Variants in SEL1L observed in about 807,000 individuals in gnomAD.
SEL1L encodes the protein protein sel-1 homolog 1.
A neutral mutation model predicts 109.8 loss-of-function variants in SEL1L; 52 were observed. The ratio of observed to expected loss-of-function variants is 0.47; its 90% CI spans 0.38 to 0.60. SEL1L has a LOEUF of 0.60. Among genes scored for constraint, SEL1L ranks in the 20% least tolerant of loss-of-function variants. The probability of loss-of-function intolerance (pLI) is 0.00; values close to 1 mark genes in which losing one functional copy is unlikely to be tolerated. For synonymous variants in SEL1L, 373 were observed against 339.6 expected (o/e 1.10, Z -1.08); for missense variants, 749 against 962.2 (o/e 0.78, Z 2.93).
At chr14:81,484,745 C>T (rs1397964781) in intron 18 of SEL1L, among the ~76,000 whole-genome samples, 4 of 152,146 alleles carry the variant, frequency 2.6e-5, no homozygotes, top group Non-Finnish European at 5.9e-5. Flanking sequence ...CTCACAGGAG[C>T]ATTTCAGATT....
chr14:81,499,705 G>A (rs1230706209), intron 6 of SEL1L, 43 bp from the exon 7 acceptor site: 1 of 1,515,678 alleles, frequency 6.6e-7, no homozygotes, highest in Non-Finnish European at 9.0e-7. Context: ...TTTGGTGAAG[G>A]TTTATCCAAG....
chr14:81,531,163 A>T (rs1595541505), intron 1 of SEL1L, among the ~76,000 whole-genome samples: 1 of 152,360 alleles, frequency 6.6e-6, no homozygotes, highest in East Asian at 1.9e-4. Context: ...ACCATGTTCC[A>T]ATGGCTACAA....
At chr14:81,511,658 T>C (rs1404612419) in intron 3 of SEL1L, among the ~76,000 whole-genome samples, 1 of 152,260 alleles carries the variant, frequency 6.6e-6, no homozygotes, top group Non-Finnish European at 1.5e-5. Context: ...CTGTTTAATA[T>C]GATTGCTAGG....
chr14:81,522,353 G>C (rs148430414), intron 3 of SEL1L, among the ~76,000 whole-genome samples: 11 of 152,260 alleles, frequency 7.2e-5, no homozygotes, highest in Admixed American at 7.2e-4. Flanking sequence ...TTCCAGTCCT[G>C]CAAGTTCCAT....
chr14:81,502,764 A>G lies in SEL1L; in HGVS notation c.734T>C (p.Met245Thr). 1.2e-6 allele frequency: 2 copies of G among 1,614,128 alleles called. No homozygotes were observed. Among genetic ancestry groups the G allele is most frequent in the South Asian group, 2.2e-5 (2 of 91,080 alleles). ...GCCTTCCTCAGTCAGCTTCTCAAAC[A>G]TCTCTCTCGCTGCCTGGATATTCTG... Reference protein sequence around the residue: ...LPQNIQAAREMFEKLTEEGSP... With the variant: ...LPQNIQAARETFEKLTEEGSP... The change falls in exon 6 of 21, where the codon ATG becomes ACG. Residue 245 changes from methionine (M) to threonine (T), a missense_variant. Around this residue, in one of 2 missense-constraint regions of SEL1L, gnomAD observed 366 missense variants for 399.8 expected, o/e 0.92. Transcript: ENST00000336735.
Position 81,486,390 on chromosome 14 carries a change from T to C in SEL1L, c.1697A>G (p.Tyr566Cys), listed in dbSNP as rs1244672236. The C allele has an allele frequency of 5.6e-6, 9 of 1,614,066 alleles. No homozygotes were observed. The highest frequency in any genetic ancestry group is 4.0e-5 in the African/African-American group (3 of 74,924). ...SERLMTAYNSYKDGDYNAAVI... is the reference protein window; with the variant it reads ...SERLMTAYNSCKDGDYNAAVI... Reference sequence around the variant, plus strand: ...TGCAGCATTGTAATCGCCATCTTTATAGCTGTTATAGGCAGTCATAAGCCT... The same window carrying C: ...TGCAGCATTGTAATCGCCATCTTTACAGCTGTTATAGGCAGTCATAAGCCT... Residue 566 changes from tyrosine to cysteine, a missense_variant, in exon 17 of 21, where the codon TAT (tyrosine) becomes TGT (cysteine). This residue lies in a region of SEL1L where 383 missense variants were observed against 562.5 expected (regional missense o/e 0.68). Coordinates refer to ENST00000336735, the MANE Select transcript of SEL1L (RefSeq NM_005065.6).
In SEL1L at chr14:81,498,436, T is replaced by G. The variant is rs201618280; in HGVS notation, c.950A>C (p.His317Pro). The G allele has an allele frequency of 1.2e-6, 2 of 1,613,878 alleles. No homozygotes were observed. Among genetic ancestry groups the G allele is most frequent in the Non-Finnish European group, 1.7e-6 (2 of 1,179,884 alleles). ...ACCATGATTGGCAACAAGACGATAG[T>G]GAGTCAGGGCAGATTCACAACTCTG... ...VLQSCESALT[H>P]YRLVANHVAS... The change falls in exon 9 of 21, where the codon CAC becomes CCC. Residue 317 changes from histidine (H) to proline (P), a missense_variant. By Grantham distance (77) the His-to-Pro change is moderately conservative. Coordinates refer to ENST00000336735, the MANE Select transcript of SEL1L (RefSeq NM_005065.6).
At chr14:81,514,020 C>T (rs71416870) in intron 3 of SEL1L, among the ~76,000 whole-genome samples, 1 of 152,376 alleles carries the variant, frequency 6.6e-6, no homozygotes, top group African/African-American at 2.4e-5. Context: ...CCTCTCTTCT[C>T]TGAGGCTAGT....
intron 19 of SEL1L, among the ~76,000 whole-genome samples, chr14:81,483,874 G>A (rs1903436103): frequency 6.6e-6 from 1 of 152,120 alleles, no homozygotes; most frequent in African/African-American, 2.4e-5. Context: ...AAATTTATCA[G>A]TAGAATACAT....
chr14:81,527,620 C>A, intron 2 of SEL1L, 81 bp downstream of exon 2: 1 of 978,076 alleles, frequency 1.0e-6, no homozygotes. Flanking sequence ...AAGTTGCAGA[C>A]CTCATATCCT....
In SEL1L at chr14:81,475,237, G is replaced by A. The variant is rs926772230; in HGVS notation, c.*1735C>T. 6.6e-6 allele frequency: 1 copy of A among 152,294 alleles called. No homozygotes were observed. The highest frequency in any genetic ancestry group is 1.5e-5 in the Non-Finnish European group (1 of 68,036). 9.4% of individuals were successfully genotyped at this position (152,294 alleles called of 1,614,324 possible). ...TGCCTAAAGCAACATTACACTTAGGGGGGGTAAGTTTCCTACCTTTCACAG... is the reference window on the plus strand; with the variant it reads ...TGCCTAAAGCAACATTACACTTAGGAGGGGTAAGTTTCCTACCTTTCACAG... On this transcript the variant is annotated 3_prime_UTR_variant, in exon 21 of 21. Transcript: ENST00000336735.
chr14:81,498,557 A>G, intron 8 of SEL1L, 63 bp from the exon 9 acceptor site: 2 of 1,280,296 alleles, frequency 1.6e-6, no homozygotes, highest in Non-Finnish European at 2.3e-6. Flanking sequence ...TTCTTCGTGG[A>G]ACAAATAAAG....
chr14:81,477,173 A>G lies in SEL1L; in HGVS notation c.2184T>C (p.Asp728=). 6.2e-7 allele frequency: 1 copy of G among 1,613,286 alleles called. No homozygotes were observed. Among genetic ancestry groups the G allele is most frequent in the Non-Finnish European group, 8.5e-7 (1 of 1,179,260 alleles). Residue 728 remains aspartate, a synonymous_variant, in exon 21 of 21, where the codon GAT becomes GAC. Transcript: ENST00000336735. ...LQYIRETNIR[D]MFTQLDMDQL... ...GGTCCATATCAAGTTGGGTGAACAT[A>G]TCTCGAATCTTAATGAAAATAATAT...
chr14:81,501,770 T>C (rs1884018143), intron 6 of SEL1L, among the ~76,000 whole-genome samples: 1 of 152,128 alleles, frequency 6.6e-6, no homozygotes. Context: ...CAACCAGATA[T>C]GTTAGCAACT....
rs1595515261 is a variant in SEL1L at position 81,498,373 on chromosome 14, A to T, written c.973+40T>A. On this transcript the variant is annotated intron_variant, in intron 9 of 20. Transcript: ENST00000336735. ...GAAATGTTTAAAGTTAATTCCATTT[A>T]TTTTTTTTTCCTAAAAGGTAAAAGG... 5 of 1,453,520 alleles carry T rather than the reference A, an allele frequency of 3.4e-6. No individual in the cohort carries two copies. The African/African-American group carries it at 4.3e-5, about 12-fold the overall frequency. The allele number at this position is 1,453,520 out of a possible 1,614,324, so 90.0% of individuals were successfully genotyped here.
chr14:81,492,087 G>C (rs1883560231), intron 12 of SEL1L, among the ~76,000 whole-genome samples: 1 of 151,804 alleles, frequency 6.6e-6, no homozygotes, highest in African/African-American at 2.4e-5. Flanking sequence ...CAGTGGCGTG[G>C]TCTCGACTTA....
Position 81,479,603 on chromosome 14 carries a change from A to ACC in SEL1L, c.2175+7_2175+8dup, listed in dbSNP as rs1449490869. ...TATATTTTAATGAAAAGAGGTACGG[A>ACC]CCACTTACGTTTGTTTCCCGTATGT... On this transcript the variant is annotated intron_variant, in intron 20 of 20. Transcript: ENST00000336735. 6.2e-7 allele frequency: 1 copy of ACC among 1,601,450 alleles called. No individual in the cohort carries two copies. The highest frequency in any genetic ancestry group is 8.5e-7 in the Non-Finnish European group (1 of 1,175,794).
intron 9 of SEL1L, 112 bp downstream of exon 9, chr14:81,498,301 C>A: frequency 3.3e-6 from 3 of 901,708 alleles, no homozygotes; most frequent in South Asian, 1.8e-5. Flanking sequence ...AAGATGAGTC[C>A]ACATAAAAGA....
chr14:81,498,634 T>G, intron 8 of SEL1L, 140 bp from the exon 9 acceptor site: 1 of 625,922 alleles, frequency 1.6e-6, no homozygotes, highest in South Asian at 2.1e-5. Context: ...ATGCTAAGTG[T>G]TAGGTTTTGA....
Sources: gnomAD v4.1 joint callset for allele counts (sites outside exome capture counted in the v4.1 genomes callset) on GRCh38, gnomAD v4.1.1 for gene constraint, gnomAD v4.1.1 regional missense constraint, MANE v1.5 for transcripts, NCBI Gene and HGNC (gene_info 2026-07-23, HGNC 2026-07-21) for gene names.